DIP2A: variants seen among roughly 807,000 people sequenced by gnomAD.
DIP2A encodes disco-interacting protein 2 homolog A.
In DIP2A, 85 loss-of-function variants were observed where a neutral mutation model predicts 177.4. That is an observed-to-expected ratio of 0.48 (90% confidence interval 0.40 to 0.57). The LOEUF (loss-of-function observed/expected upper bound fraction) is 0.57, where lower values mean the gene tolerates loss of function less well. Among genes scored for constraint, DIP2A ranks in the 20% least tolerant of loss-of-function variants. The pLI is 0.00. For missense variants in DIP2A, 1,791 were observed against 2,100.2 expected (o/e 0.85, Z 2.88); for synonymous variants, 886 against 881.8 (o/e 1.00, Z -0.08).
chr21:46,464,999 A>G (rs2054686215), intron 1 of DIP2A, among the ~76,000 whole-genome samples: 1 of 152,052 alleles, frequency 6.6e-6, no homozygotes, highest in Admixed American at 6.6e-5. Context: ...TTGTTGTTTC[A>G]GGAAAGCAGA....
chr21:46,482,429 G>T (rs1328677056), intron 1 of DIP2A, among the ~76,000 whole-genome samples: 1 of 152,162 alleles, frequency 6.6e-6, no homozygotes, highest in Non-Finnish European at 1.5e-5. Context: ...AACCTGCTGT[G>T]CTGCCAGTCT....
chr21:46,522,705 C>T (rs1474297009), intron 8 of DIP2A, among the ~76,000 whole-genome samples: 2 of 152,120 alleles, frequency 1.3e-5, no homozygotes, highest in Admixed American at 6.6e-5. Flanking sequence ...AAATCAAAAC[C>T]GTCAGATAAC....
At chr21:46,489,976 G>A (rs2056912877) in intron 2 of DIP2A, among the ~76,000 whole-genome samples, 1 of 152,164 alleles carries the variant, frequency 6.6e-6, no homozygotes, top group Admixed American at 6.5e-5. Flanking sequence ...ACCTTGATCT[G>A]CCCTGATTTG....
intron 1 of DIP2A, among the ~76,000 whole-genome samples, chr21:46,466,099 AACG>A (rs544498525): frequency 6.6e-5 from 10 of 152,312 alleles, no homozygotes; most frequent in African/African-American, 2.4e-4. Flanking sequence ...CTCAATAGTT[AACG>A]ACTTCTTTGA....
Position 46,538,587 on chromosome 21 carries a change from G to T in DIP2A, c.1906G>T (p.Asp636Tyr). ...LSSLRMLIVA[D>Y]GANPWSISSC... Reference sequence around the variant, plus strand: ...CTCACTGCGCATGCTGATTGTGGCCGATGGTGCCAACCCGTGTGAGTGAGC... The same window carrying T: ...CTCACTGCGCATGCTGATTGTGGCCTATGGTGCCAACCCGTGTGAGTGAGC... Residue 636 changes from aspartate (D) to tyrosine (Y), a missense_variant, in exon 16 of 38, where the codon GAT (aspartate) becomes TAT (tyrosine). Physicochemically the swap from Asp to Tyr is radical, Grantham distance 160 (BLOSUM62 -3). Transcript: ENST00000417564. The T allele has an allele frequency of 6.4e-7, 1 of 1,555,254 alleles. No individual in the cohort carries two copies. The highest frequency in any genetic ancestry group is 8.7e-7 in the Non-Finnish European group (1 of 1,151,286).
chr21:46,503,568 A>ACC (rs2057777318), intron 5 of DIP2A, among the ~76,000 whole-genome samples: 1 of 103,368 alleles, frequency 9.7e-6, no homozygotes, highest in South Asian at 2.9e-4. Flanking sequence ...CCTTGAGGGA[A>ACC]TTTCTTCCTT....
At chr21:46,503,451 A>G (rs966798886) in intron 5 of DIP2A, among the ~76,000 whole-genome samples, 3 of 152,130 alleles carry the variant, frequency 2.0e-5, no homozygotes, top group Admixed American at 2.0e-4. Flanking sequence ...TTGGTGTCCA[A>G]CATACTTTTT....
In DIP2A at chr21:46,498,223, C is replaced by T. The variant is rs529385632; in HGVS notation, c.404-359C>T. 2.0e-4 allele frequency among the ~76,000 whole-genome samples: 31 copies of T among 152,192 alleles called. No individual in the cohort carries two copies. The highest frequency in any genetic ancestry group is 1.2e-3 in the South Asian group (6 of 4,818). On this transcript the variant is annotated intron_variant, in intron 4 of 37. Coordinates refer to ENST00000417564, the MANE Select transcript of DIP2A (RefSeq NM_015151.4). The surrounding 1 kb of genome is among the most constrained non-coding windows in gnomAD (Gnocchi z 4.3). ...CTGACTGATGTGTGGATATGGTGTC[C>T]GACTCTGTGGACATGCAGTGCAGCA...
intron 12 of DIP2A, 90 bp from the exon 13 acceptor site, chr21:46,534,495 T>C (rs1318068629): frequency 1.6e-5 from 20 of 1,283,304 alleles, no homozygotes; most frequent in Non-Finnish European, 2.1e-5. Context: ...CACTGACCAC[T>C]TCTTCTTTTG....
intron 1 of DIP2A, among the ~76,000 whole-genome samples, chr21:46,478,518 T>C (rs1285652023): frequency 1.5e-4 from 23 of 152,198 alleles, no homozygotes; most frequent in South Asian, 4.1e-4. Context: ...GGCAAAACTT[T>C]CAAGAATTAC....
chr21:46,523,142 C>T (rs1207866325), intron 8 of DIP2A, among the ~76,000 whole-genome samples: 1 of 152,060 alleles, frequency 6.6e-6, no homozygotes, highest in Non-Finnish European at 1.5e-5. Context: ...TCAGGCTGGT[C>T]TCAAACTCCT....
intron 1 of DIP2A, among the ~76,000 whole-genome samples, chr21:46,471,302 T>C (rs1009981515): frequency 6.6e-6 from 1 of 152,142 alleles, no homozygotes; most frequent in Non-Finnish European, 1.5e-5. Context: ...AAGTCCTGGG[T>C]TTACAGGCAT....
intron 28 of DIP2A, among the ~76,000 whole-genome samples, 195 bp downstream of exon 28, chr21:46,555,128 C>T (rs2060418246): frequency 6.6e-6 from 1 of 152,206 alleles, no homozygotes; most frequent in Admixed American, 6.5e-5. Context: ...ACGCTCCACT[C>T]AGCCCACAGC....
At chr21:46,502,695 G>A (rs1159288822) in intron 5 of DIP2A, among the ~76,000 whole-genome samples, 4 of 151,938 alleles carry the variant, frequency 2.6e-5, no homozygotes, top group East Asian at 3.9e-4. Context: ...TGATCTGCCC[G>A]CCTTGACCTT....
chr21:46,548,778 G>T (rs138359139), intron 21 of DIP2A, among the ~76,000 whole-genome samples: 2 of 152,278 alleles, frequency 1.3e-5, no homozygotes, highest in Admixed American at 6.5e-5. Flanking sequence ...GGAAGCAGGT[G>T]GTTGGGGTTC....
At chr21:46,485,239 T>G (rs1294854703) in intron 2 of DIP2A, among the ~76,000 whole-genome samples, 1 of 51,474 alleles carries the variant, frequency 1.9e-5, no homozygotes, top group African/African-American at 8.0e-5. Flanking sequence ...ATAGGTTTTG[T>G]GTGTGTGTGT....
chr21:46,559,097 A>G (rs1321474953), intron 32 of DIP2A: 1 of 20,898 alleles, frequency 4.8e-5, no homozygotes, highest in Non-Finnish European at 1.1e-4. Context: ...ACCCTGTCTC[A>G]AAAAAAAAAA....
In DIP2A at chr21:46,556,714, T is replaced by G. The variant is rs2060482623; in HGVS notation, c.3499-225T>G. 2.3e-5 allele frequency: 12 copies of G among 522,654 alleles called. No homozygotes were observed. The highest frequency in any genetic ancestry group is 1.9e-4 in the African/African-American group (10 of 51,802). The allele number at this position is 522,654 out of a possible 1,614,324, so 32.4% of individuals were successfully genotyped here. On this transcript the variant is annotated intron_variant, in intron 29 of 37. Coordinates refer to ENST00000417564, the MANE Select transcript of DIP2A (RefSeq NM_015151.4). The surrounding 1 kb of genome is among the most constrained non-coding windows in gnomAD (Gnocchi z 4.5). ...AAAAAAAAGAAAAAAATTTTAAAAA[T>G]TCATTACCCTGAAATTTTGTTTCAA...
At chr21:46,483,242 A>G (rs1240582200) in intron 1 of DIP2A, among the ~76,000 whole-genome samples, 1 of 152,214 alleles carries the variant, frequency 6.6e-6, no homozygotes, top group African/African-American at 2.4e-5. Flanking sequence ...AGCAACATGC[A>G]TTCTGCAGAA....
Sources: gnomAD v4.1 joint callset for allele counts (sites outside exome capture counted in the v4.1 genomes callset) on GRCh38, gnomAD v4.1.1 for gene constraint, Gnocchi (gnomAD v3.1) non-coding constraint, MANE v1.5 for transcripts, NCBI Gene and HGNC (gene_info 2026-07-23, HGNC 2026-07-21) for gene names.